Variants in FHIT observed in about 807,000 individuals in gnomAD.
FHIT encodes the protein fragile histidine triad diadenosine triphosphatase.
Under a neutral mutation model 17.9 loss-of-function variants are expected in FHIT, and 19 were observed. That is an observed-to-expected ratio of 1.06 (90% CI 0.74 to 1.56). The LOEUF is 1.56. Among genes scored for constraint, FHIT ranks in the 40% most tolerant of loss-of-function variants. The probability of loss-of-function intolerance (pLI) is 0.00; values close to 1 mark genes in which losing one functional copy is unlikely to be tolerated. For synonymous variants in FHIT, 81 were observed against 69.7 expected, an observed-to-expected ratio of 1.16 and a Z score of -0.81; for missense variants, 248 against 189.2, an observed-to-expected ratio of 1.31 and a Z score of -1.82.
At chr3:60,774,069 A>G (rs1271750908) in intron 4 of FHIT, among the ~76,000 whole-genome samples, 1 of 152,218 alleles carries the variant, frequency 6.6e-6, no homozygotes, top group Admixed American at 6.5e-5. Context: ...AATTATCTTC[A>G]TGATGACATC....
intron 4 of FHIT, among the ~76,000 whole-genome samples, chr3:60,570,864 A>T (rs545261928): frequency 2.1e-4 from 32 of 152,236 alleles, no homozygotes; most frequent in South Asian, 1.2e-3. Flanking sequence ...TGAAAAAAAA[A>T]TAGTGCACTA....
chr3:61,202,166 C>G (rs1183294227), intron 1 of FHIT, among the ~76,000 whole-genome samples: 1 of 152,146 alleles, frequency 6.6e-6, no homozygotes, highest in South Asian at 2.1e-4. Context: ...AGCGCCTCTG[C>G]TCAGCCGCCA....
chr3:60,260,521 T>C (rs897442153), intron 5 of FHIT, among the ~76,000 whole-genome samples: 4 of 152,106 alleles, frequency 2.6e-5, no homozygotes, highest in East Asian at 1.9e-4. Flanking sequence ...AAAGTGATTG[T>C]TGGGGCTTTA....
At chr3:60,321,753 A>G (rs1209286425) in intron 5 of FHIT, among the ~76,000 whole-genome samples, 2 of 152,190 alleles carry the variant, frequency 1.3e-5, no homozygotes. Flanking sequence ...ACAGTTCTGG[A>G]GGCTGAGAAG....
intron 4 of FHIT, among the ~76,000 whole-genome samples, chr3:60,794,030 G>T (rs1031736608): frequency 6.6e-6 from 1 of 152,050 alleles, no homozygotes; most frequent in African/African-American, 2.4e-5. Context: ...GTAGAATAAG[G>T]TTGGAGAATT....
intron 8 of FHIT, among the ~76,000 whole-genome samples, chr3:59,761,871 T>C (rs889436403): frequency 1.7e-4 from 26 of 152,136 alleles, no homozygotes; most frequent in Non-Finnish European, 3.7e-4. Context: ...TCTGGGATTG[T>C]AGGTGTGAGC....
chr3:60,101,007 G>C (rs1311721728), intron 5 of FHIT, among the ~76,000 whole-genome samples: 1 of 152,142 alleles, frequency 6.6e-6, no homozygotes, highest in South Asian at 2.1e-4. Context: ...TTCTGAAATA[G>C]AGTCTGAATA....
intron 5 of FHIT, among the ~76,000 whole-genome samples, chr3:60,073,470 G>A (rs115581895): frequency 0.019 from 2,915 of 152,012 alleles, 36 homozygotes; most frequent in Middle Eastern, 0.024. Flanking sequence ...ATGAATATAG[G>A]CTCTCATAGT....
At chr3:60,225,155 G>A (rs1053665829) in intron 5 of FHIT, among the ~76,000 whole-genome samples, 1 of 152,130 alleles carries the variant, frequency 6.6e-6, no homozygotes, top group Non-Finnish European at 1.5e-5. Flanking sequence ...ATTATCACAT[G>A]CCAACTTTAA....
chr3:60,432,801 A>G (rs1402188072), intron 5 of FHIT, among the ~76,000 whole-genome samples: 1 of 152,124 alleles, frequency 6.6e-6, no homozygotes, highest in Non-Finnish European at 1.5e-5. Flanking sequence ...GTCACCTATT[A>G]ACATCAAATC....
intron 7 of FHIT, among the ~76,000 whole-genome samples, chr3:59,939,044 A>T (rs972638675): frequency 6.6e-6 from 1 of 152,196 alleles, no homozygotes; most frequent in African/African-American, 2.4e-5. Flanking sequence ...AACGATGAAT[A>T]CTGCTAAAGC....
rs138149214 is a variant in FHIT, at chr3:60,783,197, C to T, written c.-18+38722G>A. ...AGTTTCGCCATGTTGCCCAGGCTCT[C>T]ACTGGGTCTTATGTTCCAACATACG... On this transcript the variant is annotated intron_variant, in intron 4 of 9. Transcript: ENST00000492590. 6.6e-3 allele frequency among the ~76,000 whole-genome samples: 997 copies of T among 152,114 alleles called. 9 individuals carry two copies. The highest frequency in any genetic ancestry group is 0.022 in the African/African-American group (917 of 41,498).
chr3:60,875,992 T>C (rs1704637507), intron 3 of FHIT, among the ~76,000 whole-genome samples: 1 of 151,686 alleles, frequency 6.6e-6, no homozygotes, highest in South Asian at 2.1e-4. Context: ...TTTACTTATA[T>C]ATCTATTTCC....
At chr3:59,762,942 C>T (rs1168307049) in intron 8 of FHIT, among the ~76,000 whole-genome samples, 3 of 152,162 alleles carry the variant, frequency 2.0e-5, no homozygotes, top group Non-Finnish European at 4.4e-5. Flanking sequence ...AAATGAAACT[C>T]CTTCTGAAAA....
At chr3:60,414,817 A>G (rs565235644) in intron 5 of FHIT, among the ~76,000 whole-genome samples, 1 of 152,208 alleles carries the variant, frequency 6.6e-6, no homozygotes, top group Non-Finnish European at 1.5e-5. Context: ...GATCTAAATT[A>G]TAAGTAAAGA....
intron 8 of FHIT, among the ~76,000 whole-genome samples, chr3:59,764,737 T>C (rs1328246688): frequency 6.7e-6 from 1 of 149,310 alleles, no homozygotes; most frequent in Non-Finnish European, 1.5e-5. Context: ...CTTTTTTTTT[T>C]CTAACCAGAA....
At chr3:60,909,277 G>A (rs1706594532) in intron 3 of FHIT, among the ~76,000 whole-genome samples, 1 of 151,128 alleles carries the variant, frequency 6.6e-6, no homozygotes. Context: ...GCTGAGGCAG[G>A]AGAATCGCTT....
Position 60,536,946 on chromosome 3 carries a change from C to A in FHIT, c.17G>T (p.Gly6Val). 1 of 1,611,138 alleles carries A rather than the reference C, an allele frequency of 6.2e-7. No individual in the cohort carries two copies. Among genetic ancestry groups the A allele is most frequent in the South Asian group, 1.1e-5 (1 of 90,424 alleles). MSFRF[G>V]QHLIKPSVVF... is the part of the protein sequence containing the mutation. ...TACAGAGGGCTTGATGAGATGTTGGCCAAATCTGAACGACATGTCCTCACA... is the reference window on the plus strand; with the variant it reads ...TACAGAGGGCTTGATGAGATGTTGGACAAATCTGAACGACATGTCCTCACA... The change falls in exon 5 of 10, where the codon GGC (glycine) becomes GTC (valine). Residue 6 changes from glycine to valine, a missense_variant. Coordinates refer to ENST00000492590, the MANE Select transcript of FHIT (RefSeq NM_002012.4).
intron 7 of FHIT, among the ~76,000 whole-genome samples, chr3:59,980,315 T>C (rs898740195): frequency 2.0e-5 from 3 of 152,208 alleles, no homozygotes; most frequent in Non-Finnish European, 4.4e-5. Flanking sequence ...CAAGGATTCC[T>C]TGAACTCTTA....
Sources: gnomAD v4.1 joint callset for allele counts (sites outside exome capture counted in the v4.1 genomes callset) on GRCh38, gnomAD v4.1.1 for gene constraint, MANE v1.5 for transcripts, NCBI Gene and HGNC (gene_info 2026-07-23, HGNC 2026-07-21) for gene names.